The following LYPLA1 variants were observed in gnomAD, a reference collection of about 807,000 sequenced individuals.
LYPLA1 encodes lysophospholipase 1.
In LYPLA1, 17 loss-of-function variants were observed where a neutral mutation model predicts 34.0. The observed-to-expected ratio is 0.50, with a 90% CI of 0.34 to 0.75. LYPLA1 has a LOEUF of 0.75. LYPLA1 is among the 30% of genes least tolerant of loss of function. LYPLA1 has a pLI of 0.01. For missense variants in LYPLA1, 203 were observed against 288.8 expected, an observed-to-expected ratio of 0.70 and a Z score of 2.15; for synonymous variants, 98 against 100.8, an observed-to-expected ratio of 0.97 and a Z score of 0.17.
intron 6 of LYPLA1, chr8:54,053,648 T>A (rs1327722202): frequency 2.2e-6 from 1 of 456,262 alleles, no homozygotes. Context: ...TGACCACCAG[T>A]CACTCTCTGT....
At chr8:54,043,643 C>G (rs560666362), downstream of LYPLA1, among the ~76,000 whole-genome samples, 36 of 152,168 alleles carry the variant, frequency 2.4e-4, no homozygotes, top group African/African-American at 8.7e-4. Flanking sequence ...AATCGGTTCA[C>G]TACAGCCTCC....
chr8:54,075,981 G>C (rs1212832206), intron 2 of LYPLA1, among the ~76,000 whole-genome samples: 1 of 152,100 alleles, frequency 6.6e-6, no homozygotes, highest in Non-Finnish European at 1.5e-5. Flanking sequence ...TGTGTGCCAC[G>C]GTCACACTAT....
Position 54,101,781 on chromosome 8 carries a change from G to A in LYPLA1, c.43C>T (p.Pro15Ser), listed in dbSNP as rs762712226. ...NMSTPLPAIV[P>S]AARKATAAVI... ...GCAGCGGTGGCCTTCCGGGCGGCGG[G>A]CACGATGGCGGGCAGCGGGGTTGAC... is the stretch of plus-strand genomic sequence containing the variant. Residue 15 changes from proline (P) to serine (S), a missense_variant, in exon 1 of 9, where the codon CCC (proline) becomes TCC (serine). Physicochemically the swap from Pro to Ser is moderately conservative, Grantham distance 74. This residue lies in a region of LYPLA1 where 75 missense variants were observed against 73.5 expected (regional missense o/e 1.02). Coordinates refer to ENST00000316963, the MANE Select transcript of LYPLA1 (RefSeq NM_006330.4). 66 of 1,296,976 alleles carry A rather than the reference G, an allele frequency of 5.1e-5. No homozygotes were observed. The highest frequency in any genetic ancestry group is 1.3e-4 in the Admixed American group (4 of 30,460). The allele number at this position is 1,296,976 out of a possible 1,614,324, so 80.3% of individuals were successfully genotyped here.
chr8:54,090,441 T>C (rs1466980685), intron 2 of LYPLA1, among the ~76,000 whole-genome samples: 4 of 152,254 alleles, frequency 2.6e-5, no homozygotes, highest in African/African-American at 9.6e-5. Context: ...TTGTAAATTC[T>C]TATCTCTGTA....
intron 2 of LYPLA1, among the ~76,000 whole-genome samples, chr8:54,083,016 G>A (rs936879059): frequency 6.6e-6 from 1 of 152,128 alleles, no homozygotes; most frequent in Non-Finnish European, 1.5e-5. Context: ...ATGAGCCACC[G>A]CACCCGGTCT....
At chr8:54,085,078 C>G (rs1180851910) in intron 2 of LYPLA1, among the ~76,000 whole-genome samples, 1 of 152,202 alleles carries the variant, frequency 6.6e-6, no homozygotes, top group African/African-American at 2.4e-5. Flanking sequence ...CTGCCGCCAT[C>G]TCGGCTCACT....
intron 2 of LYPLA1, among the ~76,000 whole-genome samples, chr8:54,084,776 TA>T (rs1268449291): frequency 6.6e-6 from 1 of 152,136 alleles, no homozygotes; most frequent in Non-Finnish European, 1.5e-5. Flanking sequence ...TACATGGTAA[TA>T]AATTAGATAA....
intron 2 of LYPLA1, among the ~76,000 whole-genome samples, chr8:54,072,776 C>T (rs1020910439): frequency 6.6e-6 from 1 of 151,740 alleles, no homozygotes; most frequent in Admixed American, 6.6e-5. Context: ...GTCAGGAGTT[C>T]GAGACCAACC....
chr8:54,084,133 A>AAAAAAAAAAAAAAAATTTTTAT (rs1373090573), intron 2 of LYPLA1, among the ~76,000 whole-genome samples: 1 of 120,484 alleles, frequency 8.3e-6, no homozygotes, highest in Non-Finnish European at 1.6e-5. Flanking sequence ...AGAAAAAAAA[A>AAAAAAAAAAAAAAAATTTTTAT]ATAAATAAAT....
chr8:54,076,016 T>G (rs1807873394), intron 2 of LYPLA1, among the ~76,000 whole-genome samples: 1 of 152,128 alleles, frequency 6.6e-6, no homozygotes, highest in South Asian at 2.1e-4. Flanking sequence ...AACAAAACGG[T>G]CAGATGGTAG....
intron 2 of LYPLA1, among the ~76,000 whole-genome samples, chr8:54,082,685 T>TTTGGCATTTCAATTTTTTTCA (rs1260144040): frequency 1.3e-5 from 2 of 152,208 alleles, no homozygotes; most frequent in African/African-American, 4.8e-5. Flanking sequence ...TTGTAAACAT[T>TTTGGCATTTCAATTTTTTTCA]TTGGCATTTC....
chr8:54,073,508 G>T, intron 2 of LYPLA1: 1 of 708,964 alleles, frequency 1.4e-6, no homozygotes. Context: ...AGAACTACCA[G>T]CATCTACACT....
At chr8:54,097,781 T>C (rs1437408174) in intron 2 of LYPLA1, among the ~76,000 whole-genome samples, 1 of 152,234 alleles carries the variant, frequency 6.6e-6, no homozygotes, top group Admixed American at 6.5e-5. Flanking sequence ...ACTATGTTTT[T>C]TCCTATACAT....
intron 2 of LYPLA1, among the ~76,000 whole-genome samples, chr8:54,071,803 T>C (rs1807490149): frequency 6.6e-6 from 1 of 152,146 alleles, no homozygotes; most frequent in African/African-American, 2.4e-5. Context: ...TAAATGGCCA[T>C]ACTGCCCAAA....
chr8:54,067,810 C>G (rs1328291769), intron 2 of LYPLA1, among the ~76,000 whole-genome samples: 4 of 151,624 alleles, frequency 2.6e-5, no homozygotes, highest in Non-Finnish European at 5.9e-5. Flanking sequence ...ATTCTCCTGC[C>G]TCAGCCTCCC....
At chr8:54,100,085 T>C (rs1178091326) in intron 2 of LYPLA1, 1 of 152,184 alleles carries the variant, frequency 6.6e-6, no homozygotes, top group Non-Finnish European at 1.5e-5. Flanking sequence ...TCAACAACAT[T>C]CATATTTTGC....
At chr8:54,048,266 G>T in intron 8 of LYPLA1, 148 bp from the exon 9 acceptor site, 1 of 598,968 alleles carries the variant, frequency 1.7e-6, no homozygotes, top group Admixed American at 2.9e-5. Flanking sequence ...GAGAAATGAG[G>T]CTCCAACAGA....
intron 2 of LYPLA1, among the ~76,000 whole-genome samples, chr8:54,076,517 G>T (rs1807915769): frequency 6.9e-6 from 1 of 145,740 alleles, no homozygotes; most frequent in African/African-American, 2.8e-5. Context: ...AGGGAGACAT[G>T]TTGGGAGCAA....
chr8:54,079,678 T>C (rs1808168926), intron 2 of LYPLA1, among the ~76,000 whole-genome samples: 1 of 151,922 alleles, frequency 6.6e-6, no homozygotes, highest in Non-Finnish European at 1.5e-5. Context: ...TCCTGCAGTC[T>C]CAGTTACTCA....
Sources: allele counts gnomAD v4.1 joint callset (sites outside exome capture counted in the v4.1 genomes callset), GRCh38; gene constraint gnomAD v4.1.1; regional missense constraint gnomAD v4.1.1; transcripts MANE v1.5; gene names NCBI Gene and HGNC (gene_info 2026-07-23, HGNC 2026-07-21).